The following TTC39C variants were observed in gnomAD, a reference collection of about 807,000 sequenced individuals.
The protein encoded by TTC39C is tetratricopeptide repeat domain 39C.
A neutral mutation model predicts 76.3 loss-of-function variants in TTC39C; 33 were observed. The ratio of observed to expected loss-of-function variants is 0.43; its 90% CI spans 0.33 to 0.58. The LOEUF (loss-of-function observed/expected upper bound fraction) is 0.58, where lower values mean the gene tolerates loss of function less well. Among genes scored for constraint, TTC39C ranks in the 20% least tolerant of loss-of-function variants. The pLI is 0.04. For synonymous variants in TTC39C, 254 were observed against 260.6 expected (o/e 0.97, Z 0.24); for missense variants, 595 against 701.4 (o/e 0.85, Z 1.71).
At chr18:24,096,352 T>TAA (rs2084589426) in intron 6 of TTC39C, among the ~76,000 whole-genome samples, 1 of 152,226 alleles carries the variant, frequency 6.6e-6, no homozygotes, top group Non-Finnish European at 1.5e-5. Context: ...TGAAGTTAAT[T>TAA]ATATTTTCTG....
rs1037793658 is a variant in TTC39C at position 24,050,623 on chromosome 18, G to A, written c.168-13517G>A. Among the ~76,000 whole-genome samples, 8 of 148,654 alleles carry A rather than the reference G, an allele frequency of 5.4e-5. No individual in the cohort carries two copies. The East Asian group carries it at 1.6e-3, about 30-fold the overall frequency. ...ACAGTGGCTCATGCCTGTAATCCCA[G>A]CCCTTTGGGAGGCTGAGGAGGGTGG... is the stretch of plus-strand genomic sequence containing the variant. On this transcript the variant is annotated intron_variant, in intron 1 of 13. Transcript: ENST00000317571.
At chr18:24,108,466 A>C (rs1169127029) in intron 6 of TTC39C, among the ~76,000 whole-genome samples, 13 of 152,348 alleles carry the variant, frequency 8.5e-5, no homozygotes, top group African/African-American at 2.9e-4. Context: ...TTTGCTGGGT[A>C]GCTGAGTTCA....
chr18:24,027,594 C>T (rs974570024), intron 1 of TTC39C, among the ~76,000 whole-genome samples: 33 of 149,416 alleles, frequency 2.2e-4, no homozygotes, highest in Non-Finnish European at 4.3e-4. Context: ...GGGCCTCGCT[C>T]TGTCAACCAG....
intron 6 of TTC39C, among the ~76,000 whole-genome samples, chr18:24,083,927 C>T (rs2084409651): frequency 6.6e-6 from 1 of 152,206 alleles, no homozygotes; most frequent in African/African-American, 2.4e-5. Flanking sequence ...ATTTTAACAA[C>T]ATCTGTCCTC....
intron 1 of TTC39C, among the ~76,000 whole-genome samples, chr18:24,061,593 TAAAAAA>T (rs35502981): frequency 1.0e-4 from 10 of 95,824 alleles, no homozygotes; most frequent in African/African-American, 2.4e-4. Context: ...TTGAAATAAG[TAAAAAA>T]AAAAAAAAAA....
chr18:24,131,060 A>C (rs1305407214), intron 12 of TTC39C, among the ~76,000 whole-genome samples: 1 of 130,056 alleles, frequency 7.7e-6, no homozygotes, highest in Non-Finnish European at 1.7e-5. Context: ...AAAAAAAATC[A>C]AAAAACATAG....
intron 1 of TTC39C, among the ~76,000 whole-genome samples, chr18:24,024,777 T>C (rs1435377400): frequency 6.6e-6 from 1 of 152,228 alleles, no homozygotes; most frequent in Non-Finnish European, 1.5e-5. Flanking sequence ...AAAATGTTTA[T>C]AGGATAGTTG....
chr18:24,131,809 C>A, intron 12 of TTC39C, 73 bp from the exon 13 acceptor site: 2 of 1,268,594 alleles, frequency 1.6e-6, no homozygotes, highest in East Asian at 2.4e-5. Context: ...ATTAACATAG[C>A]CTCCTATTAT....
chr18:24,010,140 T>A (rs781550439), upstream of TTC39C, among the ~76,000 whole-genome samples: 8 of 152,242 alleles, frequency 5.3e-5, no homozygotes, highest in African/African-American at 1.9e-4. Context: ...ACCATCAGAA[T>A]AGATTCAGAG....
At chr18:24,057,749 G>A (rs2145721427) in intron 1 of TTC39C, among the ~76,000 whole-genome samples, 1 of 152,118 alleles carries the variant, frequency 6.6e-6, no homozygotes. Flanking sequence ...TGTCTTTTGG[G>A]GGAACATAAT....
At chr18:24,015,128 TC>T in intron 1 of TTC39C, 90 bp downstream of exon 1, 1 of 1,217,216 alleles carries the variant, frequency 8.2e-7, no homozygotes, top group Non-Finnish European at 1.1e-6. Flanking sequence ...GGGAGCCCCC[TC>T]CCCCTCCTGT....
rs2085157228 is a variant in TTC39C, at chr18:24,133,260, A to G, written c.*686A>G. 6.6e-6 allele frequency: 1 copy of G among 152,246 alleles called. No individual in the cohort carries two copies. The highest frequency in any genetic ancestry group is 2.4e-5 in the African/African-American group (1 of 41,466). The allele number at this position is 152,246 out of a possible 1,614,324, so 9.4% of individuals were successfully genotyped here. A position where few individuals can be genotyped will look rare whatever the true frequency, so the allele number is the denominator to read the frequency against. ...TCCATGTTTTACTTATTAAAAGAAC[A>G]AAATCTTCAGCTGAAGTTATGTCAC... On this transcript the variant is annotated 3_prime_UTR_variant, in exon 14 of 14. Transcript: ENST00000317571.
At chr18:24,021,934 C>T (rs950573167) in intron 1 of TTC39C, among the ~76,000 whole-genome samples, 1 of 152,192 alleles carries the variant, frequency 6.6e-6, no homozygotes, top group African/African-American at 2.4e-5. Context: ...CAGGTCTTTC[C>T]TTCAAGGAGG....
At chr18:24,003,539 T>C (rs912511796) in intron 1 of TTC39C, among the ~76,000 whole-genome samples, 1 of 152,174 alleles carries the variant, frequency 6.6e-6, no homozygotes. Context: ...TCAAATATGA[T>C]GGTGTTTCTG....
chr18:24,080,451 CAACA>C, intron 4 of TTC39C, 130 bp from the exon 5 acceptor site: 2 of 661,306 alleles, frequency 3.0e-6, no homozygotes, highest in Non-Finnish European at 5.1e-6. Flanking sequence ...ACACTGGGTA[CAACA>C]ATAGATACTA....
chr18:24,006,453 ATCGTTTTAAGTATCT>A (rs1423539093), intron 1 of TTC39C: 1 of 152,088 alleles, frequency 6.6e-6, no homozygotes, highest in Non-Finnish European at 1.5e-5. Context: ...ATTTGTTCAC[ATCGTTTTAAGTATCT>A]TCGGTTGGGG....
At chr18:23,995,283 C>T (rs1026336877) in intron 1 of TTC39C, among the ~76,000 whole-genome samples, 1 of 152,150 alleles carries the variant, frequency 6.6e-6, no homozygotes, top group Admixed American at 6.5e-5. Flanking sequence ...GCCTGGCTAG[C>T]ATGTCGAAAC....
intron 1 of TTC39C, among the ~76,000 whole-genome samples, chr18:24,035,883 GT>G (rs1320368399): frequency 6.6e-6 from 1 of 152,116 alleles, no homozygotes; most frequent in Admixed American, 6.5e-5. Flanking sequence ...CTTTTTCTCT[GT>G]TTTCTAATAA....
At chr18:24,014,302 C>CCCCTT (rs1280493382), upstream of TTC39C, 2 of 152,448 alleles carry the variant, frequency 1.3e-5, no homozygotes, top group African/African-American at 4.8e-5. Flanking sequence ...GGGCGGAGTT[C>CCCCTT]CCCTTCCCTT....
Sources: gnomAD v4.1 joint callset for allele counts (sites outside exome capture counted in the v4.1 genomes callset) on GRCh38, gnomAD v4.1.1 for gene constraint, MANE v1.5 for transcripts, NCBI Gene and HGNC (gene_info 2026-07-23, HGNC 2026-07-21) for gene names.